Variants in TESK2 observed in about 807,000 individuals in gnomAD.
TESK2 encodes testis associated actin remodelling kinase 2.
In TESK2, 39 loss-of-function variants were observed where a neutral mutation model predicts 57.1. That is an observed-to-expected ratio of 0.68 (90% CI 0.53 to 0.89). TESK2 has a LOEUF of 0.89. Among genes scored for constraint, TESK2 ranks in the 40% least tolerant of loss-of-function variants. The pLI, the probability that TESK2 is intolerant of heterozygous loss-of-function variation, is 0.00. For missense variants in TESK2, 646 were observed against 732.1 expected, an observed-to-expected ratio of 0.88 and a Z score of 1.36; for synonymous variants, 249 against 267.9, an observed-to-expected ratio of 0.93 and a Z score of 0.69.
intron 3 of TESK2, among the ~76,000 whole-genome samples, chr1:45,394,697 T>TTTTTTC (rs1649287147): frequency 7.1e-6 from 1 of 141,082 alleles, no homozygotes; most frequent in Non-Finnish European, 1.5e-5. Flanking sequence ...TTTTTTTTTT[T>TTTTTTC]TTTTTTTTTT....
chr1:45,382,890 C>T (rs905794456), intron 4 of TESK2, among the ~76,000 whole-genome samples: 1 of 152,066 alleles, frequency 6.6e-6, no homozygotes, highest in Non-Finnish European at 1.5e-5. Flanking sequence ...AATCTTTAGT[C>T]TATCATTACT....
intron 4 of TESK2, among the ~76,000 whole-genome samples, chr1:45,374,010 ACT>A (rs1432050222): frequency 1.3e-5 from 2 of 152,180 alleles, no homozygotes; most frequent in East Asian, 3.8e-4. Context: ...CTCAAAAAGA[ACT>A]CTGTGAATTC....
At chr1:45,434,732 T>C (rs569942595) in intron 2 of TESK2, among the ~76,000 whole-genome samples, 17 of 152,096 alleles carry the variant, frequency 1.1e-4, no homozygotes, top group Non-Finnish European at 2.4e-4. Flanking sequence ...GTTCCTTGTA[T>C]ATTCCAAATA....
chr1:45,464,892 G>A (rs1652479809), intron 1 of TESK2, among the ~76,000 whole-genome samples: 1 of 152,110 alleles, frequency 6.6e-6, no homozygotes, highest in Non-Finnish European at 1.5e-5. Flanking sequence ...CTTGAGGTCA[G>A]GAGTTCCAGA....
At chr1:45,431,122 T>C (rs2149290174) in intron 2 of TESK2, among the ~76,000 whole-genome samples, 1 of 152,220 alleles carries the variant, frequency 6.6e-6, no homozygotes. Flanking sequence ...ACAGTGCTAG[T>C]AAGAAGATGC....
At chr1:45,428,692 C>T (rs1360039509) in intron 2 of TESK2, among the ~76,000 whole-genome samples, 1 of 151,770 alleles carries the variant, frequency 6.6e-6, no homozygotes, top group Non-Finnish European at 1.5e-5. Flanking sequence ...TTTTTAGAGA[C>T]AGGGTTTCGC....
intron 2 of TESK2, among the ~76,000 whole-genome samples, chr1:45,449,353 CAAATGAACTGA>C (rs1312913636): frequency 6.6e-6 from 1 of 151,912 alleles, no homozygotes; most frequent in South Asian, 2.1e-4. Context: ...GATATTTATC[CAAATGAACTGA>C]AAACTTATGT....
chr1:45,384,603 T>TC (rs1304835271), intron 4 of TESK2, among the ~76,000 whole-genome samples: 1 of 122,170 alleles, frequency 8.2e-6, no homozygotes, highest in African/African-American at 3.3e-5. Flanking sequence ...ATTTTTTTTT[T>TC]TTTTTTTTTT....
chr1:45,447,960 G>T (rs1259654974), intron 2 of TESK2, among the ~76,000 whole-genome samples: 1 of 149,200 alleles, frequency 6.7e-6, no homozygotes, highest in East Asian at 1.9e-4. Context: ...AGACATCAAA[G>T]AAGAACTAAA....
intron 1 of TESK2, among the ~76,000 whole-genome samples, chr1:45,479,718 A>G (rs1334561025): frequency 1.3e-5 from 2 of 152,070 alleles, no homozygotes; most frequent in African/African-American, 4.8e-5. Context: ...TTTACAGTTT[A>G]CAGTTCACAG....
chr1:45,473,166 AG>A (rs1652844788), intron 1 of TESK2, among the ~76,000 whole-genome samples: 1 of 150,848 alleles, frequency 6.6e-6, no homozygotes. Flanking sequence ...AAAAAAAAAA[AG>A]TCACTAGCAC....
chr1:45,440,199 G>A (rs764109758), intron 2 of TESK2, among the ~76,000 whole-genome samples: 4 of 151,932 alleles, frequency 2.6e-5, no homozygotes, highest in South Asian at 2.1e-4. Flanking sequence ...TGATCTGTCC[G>A]CCTCTGCCTC....
At chr1:45,467,636 GT>G (rs10579583) in intron 1 of TESK2, among the ~76,000 whole-genome samples, 117 of 148,764 alleles carry the variant, frequency 7.9e-4, no homozygotes, top group Admixed American at 1.5e-3. Flanking sequence ...GGCCTTCACA[GT>G]TTTTTTTTTT....
At chr1:45,426,599 T>C (rs1182423861) in intron 2 of TESK2, among the ~76,000 whole-genome samples, 1 of 152,064 alleles carries the variant, frequency 6.6e-6, no homozygotes, top group Non-Finnish European at 1.5e-5. Context: ...AATGGACAAA[T>C]GGGATCACAT....
rs371040096 is a variant in TESK2, at chr1:45,345,375, G to C, written c.1181C>G (p.Ala394Gly). 24 of 1,614,042 alleles carry C rather than the reference G, an allele frequency of 1.5e-5. No individual in the cohort carries two copies. Among genetic ancestry groups the C allele is most frequent in the Non-Finnish European group, 2.0e-5 (24 of 1,180,052 alleles). ...AAAAGGGTTGACTTTGGGGGTGCGG[G>C]CAGCACCATCTCGTGGCCGGTAGTA... ...DPYYRPRDGA[A>G]RTPKVNPFSA... is the part of the protein sequence containing the mutation. The change falls in exon 11 of 11, where the codon GCC becomes GGC. Residue 394 changes from alanine (A) to glycine (G), a missense_variant. Physicochemically the swap from Ala to Gly is moderately conservative, Grantham distance 60. Transcript: ENST00000372086.
At chr1:45,479,465 C>G (rs1426248771) in intron 1 of TESK2, among the ~76,000 whole-genome samples, 1 of 150,724 alleles carries the variant, frequency 6.6e-6, no homozygotes, top group Non-Finnish European at 1.5e-5. Flanking sequence ...AGTTTTTGCT[C>G]TTGTTGCCCA....
chr1:45,441,455 G>C (rs1651440541), intron 2 of TESK2, among the ~76,000 whole-genome samples: 1 of 152,020 alleles, frequency 6.6e-6, no homozygotes, highest in South Asian at 2.1e-4. Flanking sequence ...GAGATTACAG[G>C]CGTGAGCCAC....
At position 45,362,276 on chromosome 1, in the gene TESK2, T is replaced by G. The variant is rs567393621; in HGVS notation, c.394-6827A>C. On this transcript the variant is annotated intron_variant, in intron 4 of 10. Coordinates refer to ENST00000372086, the MANE Select transcript of TESK2 (RefSeq NM_007170.3). ...ACTGCCTAGGCTAAAGAGTATAGGT[T>G]CTTCCCACATATCCCTATAGGGTCT... is the stretch of plus-strand genomic sequence containing the variant. Among the ~76,000 whole-genome samples, 4 of 152,330 alleles carry G rather than the reference T, an allele frequency of 2.6e-5. No homozygotes were observed. In the South Asian group the frequency reaches 8.3e-4, roughly 32 times the overall value.
At chr1:45,382,766 A>T (rs1301082518) in intron 4 of TESK2, among the ~76,000 whole-genome samples, 1 of 152,124 alleles carries the variant, frequency 6.6e-6, no homozygotes, top group Admixed American at 6.6e-5. Context: ...GCTACTCAGG[A>T]GGCTGAGGCA....
Sources: allele counts gnomAD v4.1 joint callset (sites outside exome capture counted in the v4.1 genomes callset), GRCh38; gene constraint gnomAD v4.1.1; transcripts MANE v1.5; gene names NCBI Gene and HGNC (gene_info 2026-07-23, HGNC 2026-07-21).